MIB1: variants seen among roughly 807,000 people sequenced by gnomAD.
MIB1 encodes the protein MIB E3 ubiquitin protein ligase 1.
A neutral mutation model predicts 124.5 loss-of-function variants in MIB1; 278 were observed. That is an observed-to-expected ratio of 2.23 (90% confidence interval 2.02 to 2.47). The LOEUF is 2.47. MIB1 is among the 30% of genes most tolerant of loss of function. MIB1 has a pLI of 0.00. For missense variants in MIB1, 957 were observed against 1,254.4 expected, an observed-to-expected ratio of 0.76 and a Z score of 3.58; for synonymous variants, 446 against 429.4, an observed-to-expected ratio of 1.04 and a Z score of -0.48.
upstream of MIB1, among the ~76,000 whole-genome samples, chr18:21,737,705 C>CA (rs1431265559): frequency 6.6e-6 from 1 of 151,340 alleles, no homozygotes; most frequent in East Asian, 1.9e-4. Context: ...AGATAGAAAG[C>CA]AAAAAAAGGC....
Position 21,778,174 on chromosome 18 carries a change from G to A in MIB1, c.703+5G>A, listed in dbSNP as rs750564067. ...GAGATCACTGCCCTGTGCTAGGTGAGTGAGAAGATTAGAGAGTATTACTAA... is the reference window on the plus strand; with the variant it reads ...GAGATCACTGCCCTGTGCTAGGTGAATGAGAAGATTAGAGAGTATTACTAA... On this transcript the variant is annotated splice_donor_5th_base_variant and intron_variant, in intron 5 of 20. Coordinates refer to ENST00000261537, the MANE Select transcript of MIB1 (RefSeq NM_020774.4). 4 of 1,586,616 alleles carry A rather than the reference G, an allele frequency of 2.5e-6. No individual in the cohort carries two copies. The highest frequency in any genetic ancestry group is 1.1e-5 in the South Asian group (1 of 90,450).
chr18:21,754,372 A>C (rs2146391337), intron 1 of MIB1, among the ~76,000 whole-genome samples: 1 of 152,358 alleles, frequency 6.6e-6, no homozygotes, highest in Non-Finnish European at 1.5e-5. Context: ...ATTGCATACT[A>C]TTCTGAATAG....
Position 21,869,529 on chromosome 18 carries a change from C to T in MIB1, c.*4863C>T, listed in dbSNP as rs2042341805. 1 of 152,436 alleles carries T rather than the reference C, an allele frequency of 6.6e-6. No individual in the cohort carries two copies. Among genetic ancestry groups the T allele is most frequent in the African/African-American group, 2.4e-5 (1 of 41,420 alleles). The allele number at this position is 152,436 out of a possible 1,614,324, so 9.4% of individuals were successfully genotyped here. ...CACGTTTTAAAGTCATATTGCTTAG[C>T]TTGTTAATAATGATTCTGCATGTGT... is the stretch of plus-strand genomic sequence containing the variant. On this transcript the variant is annotated 3_prime_UTR_variant, in exon 21 of 21. Coordinates refer to ENST00000261537, the MANE Select transcript of MIB1 (RefSeq NM_020774.4).
At chr18:21,761,284 T>A (rs2041095335) in intron 1 of MIB1, among the ~76,000 whole-genome samples, 1 of 151,360 alleles carries the variant, frequency 6.6e-6, no homozygotes, top group African/African-American at 2.4e-5. Context: ...TTTGAAGAAC[T>A]GTCATAATTG....
chr18:21,819,673 G>T, intron 12 of MIB1, 27 bp downstream of exon 12: 1 of 1,418,288 alleles, frequency 7.1e-7, no homozygotes, highest in Non-Finnish European at 9.3e-7. Flanking sequence ...TATTTTAGGT[G>T]CAATTCAAAA....
At chr18:21,847,266 A>T in intron 16 of MIB1, 141 bp downstream of exon 16, 1 of 795,560 alleles carries the variant, frequency 1.3e-6, no homozygotes, top group Non-Finnish European at 1.9e-6. Context: ...CTTTCCTGAA[A>T]TTTTTCTTCC....
At chr18:21,812,139 C>T (rs1391820785) in intron 10 of MIB1, among the ~76,000 whole-genome samples, 2 of 152,010 alleles carry the variant, frequency 1.3e-5, no homozygotes, top group South Asian at 2.1e-4. Context: ...AGAAGTGATG[C>T]CTGAGCTGAG....
intron 18 of MIB1, among the ~76,000 whole-genome samples, chr18:21,853,427 T>C (rs1370371080): frequency 6.6e-6 from 1 of 152,250 alleles, no homozygotes; most frequent in Non-Finnish European, 1.5e-5. Context: ...GAATATGCTG[T>C]GTTCTGCCAC....
intron 13 of MIB1, among the ~76,000 whole-genome samples, chr18:21,839,625 A>G (rs1020237687): frequency 1.3e-5 from 2 of 152,084 alleles, no homozygotes; most frequent in African/African-American, 4.8e-5. Flanking sequence ...CTGCCTCCCA[A>G]GTAGCTGGGA....
In MIB1 at chr18:21,858,613, GT is replaced by G; in HGVS notation, c.2849del (p.Leu950CysfsTer18). The G allele has an allele frequency of 6.2e-7, 1 of 1,601,858 alleles. No individual in the cohort carries two copies. Among genetic ancestry groups the G allele is most frequent in the Non-Finnish European group, 8.6e-7 (1 of 1,169,206 alleles). ...CCAATGTCAATGCAGATGTGCAAAAGTTGCAGCAACAGTTACAAGACATTAA... is the reference window on the plus strand; with the variant it reads ...CCAATGTCAATGCAGATGTGCAAAAGTGCAGCAACAGTTACAAGACATTAA... ...NTNVNADVQK[L>X]QQQLQDIKEQ... On this transcript the variant is annotated frameshift_variant, in exon 20 of 21. Coordinates refer to ENST00000261537, the MANE Select transcript of MIB1 (RefSeq NM_020774.4). LOFTEE classifies it high-confidence loss of function.
intron 1 of MIB1, among the ~76,000 whole-genome samples, chr18:21,716,709 G>A (rs760633430): frequency 6.6e-5 from 10 of 152,120 alleles, no homozygotes; most frequent in Non-Finnish European, 1.3e-4. Context: ...AAAATTAGCC[G>A]GGCATGGTGG....
At chr18:21,780,119 A>C (rs2041341660) in intron 6 of MIB1, among the ~76,000 whole-genome samples, 1 of 152,046 alleles carries the variant, frequency 6.6e-6, no homozygotes, top group Non-Finnish European at 1.5e-5. Flanking sequence ...GTTTTTATTG[A>C]TACACAAGAG....
In MIB1 at chr18:21,865,524, T is replaced by G. The variant is rs2042314154; in HGVS notation, c.*858T>G. 1 of 152,626 alleles carries G rather than the reference T, an allele frequency of 6.6e-6. No individual in the cohort carries two copies. The highest frequency in any genetic ancestry group is 2.4e-5 in the African/African-American group (1 of 41,464). 9.5% of individuals were successfully genotyped at this position (152,626 alleles called of 1,614,324 possible). On this transcript the variant is annotated 3_prime_UTR_variant, in exon 21 of 21. Transcript: ENST00000261537. ...AAGTGTACTTCCGGTTTTCTGTGATTACTTATCTGGGCTTGATCTGACCAG... is the reference window on the plus strand; with the variant it reads ...AAGTGTACTTCCGGTTTTCTGTGATGACTTATCTGGGCTTGATCTGACCAG...
intron 3 of MIB1, among the ~76,000 whole-genome samples, chr18:21,773,281 A>C (rs1268627061): frequency 6.6e-6 from 1 of 152,170 alleles, no homozygotes; most frequent in Non-Finnish European, 1.5e-5. Context: ...AAAAACCAAA[A>C]AACAAAAAAC....
At chr18:21,760,246 T>C (rs1270570312) in intron 1 of MIB1, among the ~76,000 whole-genome samples, 1 of 152,196 alleles carries the variant, frequency 6.6e-6, no homozygotes, top group Non-Finnish European at 1.5e-5. Context: ...TAGATGAAAA[T>C]GAATTGGGTG....
At chr18:21,711,614 C>T in intron 1 of MIB1, among the ~76,000 whole-genome samples, 1 of 151,982 alleles carries the variant, frequency 6.6e-6, no homozygotes, top group Non-Finnish European at 1.5e-5. Context: ...CCCCAGCAAT[C>T]TAACTCTAAA....
chr18:21,759,050 C>T (rs187085738), intron 1 of MIB1, among the ~76,000 whole-genome samples: 30 of 152,080 alleles, frequency 2.0e-4, no homozygotes, highest in Admixed American at 1.4e-3. Context: ...AACATTTGAA[C>T]ACCCTTTGTA....
intron 7 of MIB1, among the ~76,000 whole-genome samples, 172 bp from the exon 8 acceptor site, chr18:21,797,912 A>G (rs943547620): frequency 6.6e-6 from 1 of 152,082 alleles, no homozygotes; most frequent in Non-Finnish European, 1.5e-5. Context: ...ATTTTAAAAG[A>G]TATTTTTTAA....
intron 4 of MIB1, among the ~76,000 whole-genome samples, chr18:21,774,921 T>TTTTATTTATTTA (rs200926882): frequency 0.1 from 13,923 of 138,154 alleles, 934 homozygotes; most frequent in East Asian, 0.21. Flanking sequence ...TTTATTTCCA[T>TTTTATTTATTTA]TTTATTTATT....
Sources: gnomAD v4.1 joint callset for allele counts (sites outside exome capture counted in the v4.1 genomes callset) on GRCh38, gnomAD v4.1.1 for gene constraint, MANE v1.5 for transcripts, NCBI Gene and HGNC (gene_info 2026-07-23, HGNC 2026-07-21) for gene names.